TTLL5: variants seen among roughly 807,000 people sequenced by gnomAD.
TTLL5 encodes the protein tubulin polyglutamylase TTLL5.
Under a neutral mutation model 168.4 loss-of-function variants are expected in TTLL5, and 132 were observed. The observed-to-expected ratio is 0.78, with a 90% CI of 0.68 to 0.91. The LOEUF (loss-of-function observed/expected upper bound fraction) is 0.91, where lower values mean the gene tolerates loss of function less well. Among genes scored for constraint, TTLL5 ranks in the 40% least tolerant of loss-of-function variants. TTLL5 has a pLI of 0.00. For synonymous variants in TTLL5, 546 were observed against 558.6 expected, an observed-to-expected ratio of 0.98 and a Z score of 0.32; for missense variants, 1,545 against 1,581.5, an observed-to-expected ratio of 0.98 and a Z score of 0.39.
intron 2 of TTLL5, among the ~76,000 whole-genome samples, chr14:75,668,756 T>C (rs1883489136): frequency 6.6e-6 from 1 of 152,216 alleles, no homozygotes; most frequent in Admixed American, 6.5e-5. Context: ...CAAATTGGCT[T>C]GAAAATGGAC....
At chr14:75,793,193 A>G in intron 27 of TTLL5, 93 bp downstream of exon 27, 3 of 1,177,846 alleles carry the variant, frequency 2.5e-6, no homozygotes, top group South Asian at 5.2e-5. Flanking sequence ...TACTATTCCC[A>G]TATACTGATG....
chr14:75,812,965 G>A (rs898430205), intron 27 of TTLL5, among the ~76,000 whole-genome samples: 13 of 152,114 alleles, frequency 8.5e-5, no homozygotes, highest in Non-Finnish European at 4.4e-5. Context: ...ATTCTAAGTC[G>A]CAAGGCTCAG....
intron 30 of TTLL5, chr14:75,886,878 T>G (rs1024403118): frequency 6.8e-7 from 1 of 1,460,224 alleles, no homozygotes; most frequent in Admixed American, 2.6e-5. Context: ...CCTGAGGAGA[T>G]TGAAGTTTGC....
intron 18 of TTLL5, among the ~76,000 whole-genome samples, chr14:75,761,470 A>G (rs1189400830): frequency 6.6e-6 from 1 of 152,246 alleles, no homozygotes; most frequent in Non-Finnish European, 1.5e-5. Flanking sequence ...CAGAGCAGAT[A>G]ACTGTGGGTT....
chr14:75,944,529 G>A (rs951114941), intron 31 of TTLL5, among the ~76,000 whole-genome samples: 5 of 152,168 alleles, frequency 3.3e-5, no homozygotes, highest in Non-Finnish European at 7.3e-5. Flanking sequence ...TCAGTGGAAA[G>A]CAGTTACAGA....
intron 29 of TTLL5, 87 bp from the exon 30 acceptor site, chr14:75,882,598 C>G: frequency 1.6e-6 from 2 of 1,239,880 alleles, no homozygotes; most frequent in Non-Finnish European, 2.2e-6. Context: ...CTTTTTGCCC[C>G]TTGACAGGAT....
At chr14:75,749,667 A>G (rs930553592) in intron 17 of TTLL5, among the ~76,000 whole-genome samples, 1 of 152,152 alleles carries the variant, frequency 6.6e-6, no homozygotes, top group Admixed American at 6.5e-5. Flanking sequence ...TAAATTACCA[A>G]TCACATTGGT....
At position 75,735,290 on chromosome 14, in the gene TTLL5, G is replaced by A. The variant is rs1888810536; in HGVS notation, c.1281+1G>A. On this transcript the variant is annotated splice_donor_variant, in intron 15 of 31. Transcript: ENST00000298832. LOFTEE classifies it high-confidence loss of function. ...GCGAAACCCTTTCCAGAAACCTCAG[G>A]TAAGCCAATTCCACAGCAGGGAGCC... The A allele has an allele frequency of 6.2e-7, 1 of 1,613,994 alleles. No individual in the cohort carries two copies. Among genetic ancestry groups the A allele is most frequent in the Non-Finnish European group, 8.5e-7 (1 of 1,179,964 alleles).
At chr14:75,926,991 G>T (rs1294977974) in intron 31 of TTLL5, among the ~76,000 whole-genome samples, 1 of 152,256 alleles carries the variant, frequency 6.6e-6, no homozygotes, top group African/African-American at 2.4e-5. Flanking sequence ...GCTGGCGGGG[G>T]CCGAGAAATG....
At chr14:75,925,548 A>G (rs2034017651) in intron 31 of TTLL5, among the ~76,000 whole-genome samples, 1 of 144,632 alleles carries the variant, frequency 6.9e-6, no homozygotes. Context: ...CTGGGCAGAG[A>G]CGCTCCTCAC....
In TTLL5 at chr14:75,792,880, T is replaced by C. The variant is rs772168671; in HGVS notation, c.2987-36T>C. 4 of 1,510,030 alleles carry C rather than the reference T, an allele frequency of 2.6e-6. No homozygotes were observed. In the Admixed American group the frequency reaches 6.0e-5, roughly 23 times the overall value. 93.5% of individuals were successfully genotyped at this position (1,510,030 alleles called of 1,614,324 possible). On this transcript the variant is annotated intron_variant, in intron 26 of 31. Coordinates refer to ENST00000298832, the MANE Select transcript of TTLL5 (RefSeq NM_015072.5). Reference sequence around the variant, plus strand: ...TCCTAATTTTTTTCAGGCCTTTTTTTCCTAAATGAGTGAAAACTTTTCTCC... The same window carrying C: ...TCCTAATTTTTTTCAGGCCTTTTTTCCCTAAATGAGTGAAAACTTTTCTCC...
intron 3 of TTLL5, among the ~76,000 whole-genome samples, chr14:75,678,871 T>G (rs1474432338): frequency 6.6e-6 from 1 of 152,228 alleles, no homozygotes; most frequent in Admixed American, 6.5e-5. Flanking sequence ...ATAAGCATTC[T>G]CTGGTAAGAT....
chr14:75,948,644 AAAAC>A (rs1466663476), intron 31 of TTLL5, among the ~76,000 whole-genome samples: 2 of 152,186 alleles, frequency 1.3e-5, no homozygotes, highest in African/African-American at 2.4e-5. Context: ...TAAAAAAAGA[AAAAC>A]AAAATAAGTC....
chr14:75,864,258 T>G (rs2030315474), intron 29 of TTLL5, among the ~76,000 whole-genome samples: 1 of 152,240 alleles, frequency 6.6e-6, no homozygotes, highest in African/African-American at 2.4e-5. Context: ...TTGATATACT[T>G]GGCATATGTG....
In TTLL5 at chr14:75,819,756, C is replaced by T. The variant is rs561882774; in HGVS notation, c.3172-251C>T. Among the ~76,000 whole-genome samples the T allele has an allele frequency of 2.6e-5, 4 of 152,222 alleles. No homozygotes were observed. In the East Asian group the frequency reaches 5.8e-4, roughly 22 times the overall value. The stretch of plus-strand genomic sequence containing the variant: ...TATCCGTCTTTGTTTTTCATAGACC[C>T]GGCACAGTCCAGTGCCCTGCACTTA... On this transcript the variant is annotated intron_variant, in intron 27 of 31. Coordinates refer to ENST00000298832, the MANE Select transcript of TTLL5 (RefSeq NM_015072.5).
In TTLL5 at chr14:75,827,451, G is replaced by A. The variant is rs1177647127; in HGVS notation, c.3326+7290G>A. ...CAAATTTTAAATGTTTATTTAAATA[G>A]GGAGCCAACTGTTCTTTGGGTGATG... On this transcript the variant is annotated intron_variant, in intron 28 of 31. Coordinates refer to ENST00000298832, the MANE Select transcript of TTLL5 (RefSeq NM_015072.5). 2.6e-5 allele frequency among the ~76,000 whole-genome samples: 4 copies of A among 152,086 alleles called. No homozygotes were observed. In the East Asian group the frequency reaches 7.7e-4, roughly 29 times the overall value.
At chr14:75,705,752 A>G (rs1015599578) in intron 7 of TTLL5, among the ~76,000 whole-genome samples, 8 of 152,114 alleles carry the variant, frequency 5.3e-5, no homozygotes, top group Admixed American at 5.2e-4. Flanking sequence ...CCTTTACTGT[A>G]GCTATTATCA....
chr14:75,723,008 A>C (rs1887939869), intron 12 of TTLL5, among the ~76,000 whole-genome samples: 1 of 152,128 alleles, frequency 6.6e-6, no homozygotes, highest in African/African-American at 2.4e-5. Flanking sequence ...ACTCTACAAT[A>C]GTATCTGTAT....
At chr14:75,723,868 C>T (rs1039152197) in intron 12 of TTLL5, among the ~76,000 whole-genome samples, 1 of 152,132 alleles carries the variant, frequency 6.6e-6, no homozygotes, top group African/African-American at 2.4e-5. Context: ...TCTAATTCCA[C>T]TTCCTGTCAG....
Sources: allele counts gnomAD v4.1 joint callset (sites outside exome capture counted in the v4.1 genomes callset), GRCh38; gene constraint gnomAD v4.1.1; transcripts MANE v1.5; gene names NCBI Gene and HGNC (gene_info 2026-07-23, HGNC 2026-07-21).